INPP5D: variants seen among roughly 807,000 people sequenced by gnomAD.
The protein encoded by INPP5D is inositol polyphosphate-5-phosphatase D.
Under a neutral mutation model 122.9 loss-of-function variants are expected in INPP5D, and 33 were observed. The observed-to-expected ratio is 0.27, with a 90% confidence interval of 0.20 to 0.36. The LOEUF (loss-of-function observed/expected upper bound fraction) is 0.36, where lower values mean the gene tolerates loss of function less well. Ranked by LOEUF, INPP5D falls within the 10% of genes least tolerant of loss-of-function variation. The pLI is 1.00. For synonymous variants in INPP5D, 584 were observed against 576.2 expected, an observed-to-expected ratio of 1.01 and a Z score of -0.19; for missense variants, 1,053 against 1,412.7, an observed-to-expected ratio of 0.75 and a Z score of 4.08.
In INPP5D at chr2:233,188,611, G is replaced by C. The variant is rs558651728; in HGVS notation, c.2359-1239G>C. Among the ~76,000 whole-genome samples, 2 of 152,308 alleles carry C rather than the reference G, an allele frequency of 1.3e-5. No individual in the cohort carries two copies. Among genetic ancestry groups the C allele is most frequent in the Admixed American group, 6.5e-5 (1 of 15,290 alleles). ...GAGTCTTGTTCTGTTGCCCAGGCTG[G>C]AGTGCAGTGGTGCCATCTCGGCTCA... On this transcript the variant is annotated intron_variant, in intron 21 of 26. Coordinates refer to ENST00000445964, the MANE Select transcript of INPP5D (RefSeq NM_001017915.3). This position sits in a 1 kb window ranked among gnomAD's most constrained non-coding sequence, Gnocchi z 4.7.
At chr2:233,113,376 A>G (rs1432769351) in intron 2 of INPP5D, among the ~76,000 whole-genome samples, 3 of 152,350 alleles carry the variant, frequency 2.0e-5, no homozygotes, top group East Asian at 3.9e-4. Flanking sequence ...AAAGGAACCA[A>G]TAAAATGTTT....
chr2:233,074,812 G>C (rs569423566), intron 1 of INPP5D, among the ~76,000 whole-genome samples: 2 of 152,174 alleles, frequency 1.3e-5, no homozygotes, highest in East Asian at 3.9e-4. Flanking sequence ...AAGCAAGATA[G>C]GAACACAAAG....
chr2:233,183,056 G>T lies in INPP5D; in HGVS notation c.2161+557G>T, dbSNP rs1021889898. Among the ~76,000 whole-genome samples, 3 of 152,230 alleles carry T rather than the reference G, an allele frequency of 2.0e-5. No individual in the cohort carries two copies. The highest frequency in any genetic ancestry group is 2.9e-5 in the Non-Finnish European group (2 of 68,020). ...GATGGGATGCAAATGACTGAGTTTT[G>T]GGAAACACCACAGTAAATAATATTT... On this transcript the variant is annotated intron_variant, in intron 19 of 26. Coordinates refer to ENST00000445964, the MANE Select transcript of INPP5D (RefSeq NM_001017915.3). This position sits in a 1 kb window ranked among gnomAD's most constrained non-coding sequence, Gnocchi z 4.6.
rs752579631 is a variant in INPP5D, at chr2:233,125,898, T to C, written c.503T>C (p.Leu168Pro). Residue 168 changes from leucine to proline, a missense_variant, in exon 4 of 27, where the codon CTG becomes CCG. This residue lies in a region of INPP5D where 196 missense variants were observed against 175.6 expected (regional missense o/e 1.12). Coordinates refer to ENST00000445964, the MANE Select transcript of INPP5D (RefSeq NM_001017915.3). ...PSLSETLFQR[L>P]QSMDTSGLPE... is the part of the protein sequence containing the mutation. The stretch of plus-strand genomic sequence containing the variant: ...CTCTCCGAGACATTGTTCCAGCGAC[T>C]GCAAAGCATGGACACCAGTGGGTGA... The C allele has an allele frequency of 6.2e-7, 1 of 1,613,558 alleles. No homozygotes were observed. The highest frequency in any genetic ancestry group is 8.5e-7 in the Non-Finnish European group (1 of 1,179,766).
intron 23 of INPP5D, 93 bp downstream of exon 23, chr2:233,194,054 C>G (rs1364231235): frequency 3.5e-6 from 5 of 1,436,960 alleles, no homozygotes; most frequent in Non-Finnish European, 4.6e-6. Context: ...AATATGCTCT[C>G]TGCTGCGGCC....
chr2:233,158,210 T>C (rs1694105370), intron 9 of INPP5D, 103 bp from the exon 10 acceptor site: 2 of 607,062 alleles, frequency 3.3e-6, no homozygotes, highest in Admixed American at 2.7e-5. Context: ...GGGGCTCAGC[T>C]TGGGGACGGG....
chr2:233,111,138 A>G (rs762659887), intron 2 of INPP5D, among the ~76,000 whole-genome samples: 5 of 152,158 alleles, frequency 3.3e-5, no homozygotes, highest in African/African-American at 4.8e-5. Flanking sequence ...GTTGCTGACA[A>G]TGCCCCACTG....
intron 2 of INPP5D, among the ~76,000 whole-genome samples, chr2:233,085,503 C>T (rs145571903): frequency 6.8e-4 from 103 of 152,078 alleles, no homozygotes; most frequent in African/African-American, 2.2e-3. Context: ...ACTTTGAAGC[C>T]GGTGGGAATT....
chr2:233,194,183 C>G (rs1263311074), intron 23 of INPP5D, among the ~76,000 whole-genome samples: 2 of 152,152 alleles, frequency 1.3e-5, no homozygotes, highest in African/African-American at 4.8e-5. Context: ...CTCCCCGACC[C>G]TGTGGATTTT....
rs1004777381 is a variant in INPP5D at position 233,160,330 on chromosome 2, C to T, written c.1138-1394C>T. Among the ~76,000 whole-genome samples the T allele has an allele frequency of 1.3e-5, 2 of 152,222 alleles. No homozygotes were observed. Among genetic ancestry groups the T allele is most frequent in the Admixed American group, 1.3e-4 (2 of 15,280 alleles). ...AGTCCGCCTGCTCTATTGATTGCAT[C>T]CTAAGAGAGGGCCAACTGAGGCTGC... On this transcript the variant is annotated intron_variant, in intron 10 of 26. Coordinates refer to ENST00000445964, the MANE Select transcript of INPP5D (RefSeq NM_001017915.3). This position sits in a 1 kb window ranked among gnomAD's most constrained non-coding sequence, Gnocchi z 4.2.
chr2:233,184,973 G>T (rs569599279), intron 20 of INPP5D, among the ~76,000 whole-genome samples: 1 of 152,020 alleles, frequency 6.6e-6, no homozygotes, highest in South Asian at 2.1e-4. Flanking sequence ...TTCTCGGGGG[G>T]ACTGCAGCGT....
At chr2:233,187,034 A>T (rs1453000537) in intron 21 of INPP5D, among the ~76,000 whole-genome samples, 3 of 151,612 alleles carry the variant, frequency 2.0e-5, no homozygotes, top group Admixed American at 2.0e-4. Context: ...TTTTTTTTAA[A>T]TTAGCCAGAC....
chr2:233,063,188 C>T (rs537824043), intron 1 of INPP5D, among the ~76,000 whole-genome samples: 3 of 152,214 alleles, frequency 2.0e-5, no homozygotes, highest in Non-Finnish European at 2.9e-5. Flanking sequence ...CCCCCTAGCC[C>T]TGGAAGCCTG....
chr2:233,087,331 TTA>T (rs1691879862), intron 2 of INPP5D, among the ~76,000 whole-genome samples: 1 of 151,916 alleles, frequency 6.6e-6, no homozygotes, highest in African/African-American at 2.4e-5. Context: ...ATTTATTTAT[TTA>T]TTTTTTTGAG....
chr2:233,110,506 T>A (rs1036918507), intron 2 of INPP5D, among the ~76,000 whole-genome samples: 1 of 152,142 alleles, frequency 6.6e-6, no homozygotes, highest in Non-Finnish European at 1.5e-5. Context: ...AGCAACAAGA[T>A]GCTCTCTAAC....
chr2:233,107,476 G>GTA (rs1367223864), intron 2 of INPP5D, among the ~76,000 whole-genome samples: 2 of 152,196 alleles, frequency 1.3e-5, no homozygotes, highest in African/African-American at 4.8e-5. Context: ...CAGCAAAGAG[G>GTA]GTGTTGGCTA....
At chr2:233,076,102 C>T (rs1275919647) in intron 1 of INPP5D, among the ~76,000 whole-genome samples, 1 of 152,218 alleles carries the variant, frequency 6.6e-6, no homozygotes, top group Non-Finnish European at 1.5e-5. Flanking sequence ...TTCTTTCTCT[C>T]TGTCTACAGG....
rs902847606 is a variant in INPP5D at position 233,078,222 on chromosome 2, C to T, written c.135-1113C>T. Among the ~76,000 whole-genome samples, 5 of 152,344 alleles carry T rather than the reference C, an allele frequency of 3.3e-5. No individual in the cohort carries two copies. In the East Asian group the frequency reaches 5.8e-4, roughly 18 times the overall value. The stretch of plus-strand genomic sequence containing the variant: ...AGGGTTTCAGCAGGCTGAGGGCCAC[C>T]GCAGTGTGCCCCTCTCCCAAGGTGC... On this transcript the variant is annotated intron_variant, in intron 1 of 26. Coordinates refer to ENST00000445964, the MANE Select transcript of INPP5D (RefSeq NM_001017915.3). The surrounding 1 kb of genome is among the most constrained non-coding windows in gnomAD (Gnocchi z 4.6).
chr2:233,186,522 G>T (rs2106317107), intron 21 of INPP5D, among the ~76,000 whole-genome samples: 1 of 151,954 alleles, frequency 6.6e-6, no homozygotes, highest in East Asian at 1.9e-4. Context: ...TGGTTTTCTG[G>T]CCTGGTGTGG....
Sources: gnomAD v4.1 joint callset for allele counts (sites outside exome capture counted in the v4.1 genomes callset) on GRCh38, gnomAD v4.1.1 for gene constraint, gnomAD v4.1.1 regional missense constraint, Gnocchi (gnomAD v3.1) non-coding constraint, MANE v1.5 for transcripts, NCBI Gene and HGNC (gene_info 2026-07-23, HGNC 2026-07-21) for gene names.